TMEM132D: variants seen among roughly 807,000 people sequenced by gnomAD.
TMEM132D encodes mature OL transmembrane protein.
TMEM132D carries 21 observed loss-of-function variants against 62.3 expected under a neutral mutation model. The observed-to-expected ratio is 0.34, with a 90% CI of 0.24 to 0.49. The LOEUF (loss-of-function observed/expected upper bound fraction) is 0.49. Among genes scored for constraint, TMEM132D ranks in the 20% least tolerant of loss-of-function variants. The probability of loss-of-function intolerance (pLI) is 0.99; values close to 1 mark genes in which losing one functional copy is unlikely to be tolerated. For missense variants in TMEM132D, 1,346 were observed against 1,402.8 expected, an observed-to-expected ratio of 0.96 and a Z score of 0.65; for synonymous variants, 621 against 575.6, an observed-to-expected ratio of 1.08 and a Z score of -1.13.
At chr12:129,808,365 C>G (rs1260845750) in intron 1 of TMEM132D, among the ~76,000 whole-genome samples, 19 of 152,040 alleles carry the variant, frequency 1.2e-4, no homozygotes, top group Admixed American at 1.2e-3. Context: ...CGGGTTGGTT[C>G]AGAAAACAAA....
In TMEM132D at chr12:129,450,750, C is replaced by CTTTT. The variant is rs869041495; in HGVS notation, c.1115+80305_1115+80308dup. 7.2e-3 allele frequency among the ~76,000 whole-genome samples: 737 copies of CTTTT among 102,494 alleles called. 1 individual carries two copies. Among genetic ancestry groups the CTTTT allele is most frequent in the Non-Finnish European group, 9.0e-3 (492 of 54,438 alleles). 67.2% of individuals were successfully genotyped at this position (102,494 alleles called of 152,430 possible). On this transcript the variant is annotated intron_variant, in intron 3 of 8. Transcript: ENST00000422113. ...CAGCAACCAAAAGTTTCCATCGCTT[C>CTTTT]TTTTTTTTTTTTTTTTTTTTTTTTG...
chr12:129,262,865 C>A (rs1467389522), intron 4 of TMEM132D: 1 of 152,210 alleles, frequency 6.6e-6, no homozygotes, highest in East Asian at 1.9e-4. Flanking sequence ...TTCTAGATAT[C>A]TTTTCCAGAA....
chr12:129,146,127 G>T (rs1202152511), intron 5 of TMEM132D, among the ~76,000 whole-genome samples: 1 of 151,314 alleles, frequency 6.6e-6, no homozygotes, highest in African/African-American at 2.4e-5. Context: ...CTCTGTCAGT[G>T]GTGTTCCAGT....
intron 1 of TMEM132D, among the ~76,000 whole-genome samples, chr12:129,887,518 C>A (rs1874786202): frequency 6.6e-6 from 1 of 152,120 alleles, no homozygotes; most frequent in African/African-American, 2.4e-5. Context: ...ATTTGTTGAA[C>A]ACATATTGCC....
At chr12:129,163,393 G>A (rs1877452390) in intron 5 of TMEM132D, among the ~76,000 whole-genome samples, 1 of 152,138 alleles carries the variant, frequency 6.6e-6, no homozygotes, top group Non-Finnish European at 1.5e-5. Context: ...TTCATCCTCT[G>A]CCGTTCTCTT....
At chr12:129,682,561 A>G (rs1880805165) in intron 2 of TMEM132D, among the ~76,000 whole-genome samples, 1 of 152,166 alleles carries the variant, frequency 6.6e-6, no homozygotes, top group African/African-American at 2.4e-5. Flanking sequence ...GCAGTGTTTA[A>G]TGGCCTTTGG....
chr12:129,727,892 T>C (rs1040614137), intron 1 of TMEM132D, among the ~76,000 whole-genome samples: 2 of 152,170 alleles, frequency 1.3e-5, no homozygotes, highest in Admixed American at 6.5e-5. Flanking sequence ...CCTATTAACA[T>C]TGCAGACAGC....
At chr12:129,266,350 C>T (rs901910100) in intron 4 of TMEM132D, among the ~76,000 whole-genome samples, 18 of 151,684 alleles carry the variant, frequency 1.2e-4, no homozygotes, top group African/African-American at 3.9e-4. Flanking sequence ...TTCCTTCTAT[C>T]CCTCTCCTTT....
At chr12:129,207,418 CAT>C (rs1316290826) in intron 5 of TMEM132D, among the ~76,000 whole-genome samples, 1 of 152,188 alleles carries the variant, frequency 6.6e-6, no homozygotes, top group African/African-American at 2.4e-5. Context: ...CTATGTATGA[CAT>C]ATACGCATAT....
At chr12:129,264,589 G>A (rs1223595513) in intron 4 of TMEM132D, among the ~76,000 whole-genome samples, 1 of 152,106 alleles carries the variant, frequency 6.6e-6, no homozygotes, top group Non-Finnish European at 1.5e-5. Context: ...AGGAAAATAA[G>A]TCATTATCTG....
At chr12:129,425,419 T>TTTTTTC (rs1555254999) in intron 3 of TMEM132D, among the ~76,000 whole-genome samples, 4 of 150,996 alleles carry the variant, frequency 2.6e-5, no homozygotes, top group Non-Finnish European at 5.9e-5. Flanking sequence ...TTTTTTTTTT[T>TTTTTTC]CTAATCTCTG....
At chr12:129,102,360 G>A (rs1002283369) in intron 5 of TMEM132D, among the ~76,000 whole-genome samples, 4 of 150,696 alleles carry the variant, frequency 2.7e-5, no homozygotes, top group Non-Finnish European at 4.4e-5. Flanking sequence ...ACATATGTAC[G>A]CATGCACACA....
chr12:129,782,845 C>G (rs1474753159), intron 1 of TMEM132D, among the ~76,000 whole-genome samples: 2 of 144,592 alleles, frequency 1.4e-5, no homozygotes, highest in African/African-American at 5.0e-5. Context: ...ACGGCCTCCC[C>G]TCGAGGCGTA....
intron 1 of TMEM132D, among the ~76,000 whole-genome samples, chr12:129,786,715 AC>A (rs1290930286): frequency 6.6e-6 from 1 of 152,086 alleles, no homozygotes; most frequent in Non-Finnish European, 1.5e-5. Context: ...ACATGGTGAA[AC>A]CCGGTCTCTA....
At chr12:129,764,441 C>T (rs1451902) in intron 1 of TMEM132D, among the ~76,000 whole-genome samples, 93,273 of 152,008 alleles carry the variant, frequency 0.61, 30,093 homozygotes, top group Middle Eastern at 0.77. Flanking sequence ...AAATTACAGG[C>T]TTTTCTTTCT....
intron 1 of TMEM132D, among the ~76,000 whole-genome samples, chr12:129,809,099 G>T (rs930355307): frequency 8.5e-5 from 13 of 152,110 alleles, no homozygotes; most frequent in African/African-American, 2.9e-4. Context: ...CCTGAGGTCA[G>T]GTGTTCGAGA....
At chr12:129,402,085 C>G (rs76684283) in intron 3 of TMEM132D, among the ~76,000 whole-genome samples, 1 of 152,132 alleles carries the variant, frequency 6.6e-6, no homozygotes, top group African/African-American at 2.4e-5. Context: ...GAAGTGACTC[C>G]TTTAGGCTGC....
Position 129,699,922 on chromosome 12 carries a change from G to C in TMEM132D, c.856C>G (p.Leu286Val), listed in dbSNP as rs763628074. The change falls in exon 2 of 9, where the codon CTG (leucine) becomes GTG (valine). Residue 286 changes from leucine to valine, a missense_variant. Physicochemically the swap from Leu to Val is conservative, Grantham distance 32 (BLOSUM62 1). Transcript: ENST00000422113. ...HRKPSLRELR[L>V]DNSVAIHYIP... The stretch of plus-strand genomic sequence containing the variant: ...TAGTGGATGGCCACGCTGTTGTCCA[G>C]ACGCAGTTCTCTCAGGGAGGGTTTC... The C allele has an allele frequency of 4.3e-6, 7 of 1,614,188 alleles. No homozygotes were observed. Among genetic ancestry groups the C allele is most frequent in the Non-Finnish European group, 5.9e-6 (7 of 1,180,040 alleles).
intron 1 of TMEM132D, among the ~76,000 whole-genome samples, chr12:129,749,711 C>T (rs569882932): frequency 6.6e-5 from 10 of 152,080 alleles, no homozygotes; most frequent in South Asian, 2.1e-4. Flanking sequence ...ATGATCTGCC[C>T]GCCTCGGCCT....
Sources: allele counts gnomAD v4.1 joint callset (sites outside exome capture counted in the v4.1 genomes callset), GRCh38; gene constraint gnomAD v4.1.1; transcripts MANE v1.5; gene names NCBI Gene and HGNC (gene_info 2026-07-23, HGNC 2026-07-21).